Variants in NCKAP5 observed in about 807,000 individuals in gnomAD.
NCKAP5 encodes the protein NCK associated protein 5.
NCKAP5 carries 92 observed loss-of-function variants against 167.0 expected under a neutral mutation model. The observed-to-expected ratio is 0.55, with a 90% CI of 0.47 to 0.66. The LOEUF (loss-of-function observed/expected upper bound fraction) is 0.66. Ranked by LOEUF, NCKAP5 falls within the 30% of genes least tolerant of loss-of-function variation. The pLI is 0.00. For missense variants in NCKAP5, 2,378 were observed against 2,315.0 expected (o/e 1.03, Z -0.56); for synonymous variants, 891 against 877.4 (o/e 1.02, Z -0.27).
intron 7 of NCKAP5, among the ~76,000 whole-genome samples, chr2:132,980,635 CCTTT>C (rs2077106762): frequency 1.3e-5 from 2 of 152,038 alleles, no homozygotes; most frequent in Non-Finnish European, 2.9e-5. Flanking sequence ...CACTTTCTGC[CCTTT>C]CTATTTCAAA....
intron 4 of NCKAP5, among the ~76,000 whole-genome samples, chr2:133,255,288 C>T (rs1172466999): frequency 6.6e-6 from 1 of 152,178 alleles, no homozygotes; most frequent in Non-Finnish European, 1.5e-5. Flanking sequence ...CTTATAAATA[C>T]TGTTTTGTTT....
intron 6 of NCKAP5, among the ~76,000 whole-genome samples, chr2:133,076,538 T>C (rs927556779): frequency 1.3e-5 from 2 of 152,204 alleles, no homozygotes; most frequent in African/African-American, 4.8e-5. Flanking sequence ...TTAGGAACAG[T>C]ATTCATCTGC....
chr2:133,521,508 C>G (rs1684470320), intron 2 of NCKAP5, among the ~76,000 whole-genome samples: 1 of 152,238 alleles, frequency 6.6e-6, no homozygotes, highest in Non-Finnish European at 1.5e-5. Context: ...GCGGATTACA[C>G]AACAGACGTT....
the NCKAP5 span, among the ~76,000 whole-genome samples, chr2:133,652,437 C>G: frequency 2.0e-5 from 3 of 152,186 alleles, no homozygotes; most frequent in African/African-American, 7.2e-5. Flanking sequence ...ACAAATAAAA[C>G]AGTGGACAAT....
intron 6 of NCKAP5, among the ~76,000 whole-genome samples, chr2:133,099,647 T>C (rs959841340): frequency 6.6e-6 from 1 of 152,284 alleles, no homozygotes; most frequent in African/African-American, 2.4e-5. Flanking sequence ...AATGATCAGA[T>C]AGATAGTACT....
intron 3 of NCKAP5, among the ~76,000 whole-genome samples, chr2:133,305,134 T>A: frequency 6.6e-6 from 1 of 152,074 alleles, no homozygotes; most frequent in East Asian, 1.9e-4. Context: ...TAAAATGAAG[T>A]TGGACAGTTA....
At chr2:132,831,444 G>C (rs1342474623) in intron 11 of NCKAP5, among the ~76,000 whole-genome samples, 2 of 152,070 alleles carry the variant, frequency 1.3e-5, no homozygotes, top group Non-Finnish European at 2.9e-5. Flanking sequence ...TAAAATATTT[G>C]TCAACCAACA....
chr2:132,762,014 G>T (rs906775692), intron 16 of NCKAP5, among the ~76,000 whole-genome samples: 4 of 152,170 alleles, frequency 2.6e-5, no homozygotes, highest in African/African-American at 4.8e-5. Context: ...TTCTTGGGGG[G>T]TTATTTAACT....
At chr2:133,043,607 A>G (rs1261573669) in intron 6 of NCKAP5, among the ~76,000 whole-genome samples, 3 of 152,182 alleles carry the variant, frequency 2.0e-5, no homozygotes, top group Admixed American at 6.5e-5. Context: ...CCTGGGTCAC[A>G]TGCAGCCCAA....
In NCKAP5 at chr2:133,481,801, G is replaced by C. The variant is rs149707017; in HGVS notation, c.69+35657C>G. ...ATGCCTCCATAGTATTTCATGGTGT[G>C]TATGTACCACATTTTCTTTATCCAG... On this transcript the variant is annotated intron_variant, in intron 3 of 19. Transcript: ENST00000409261. Among the ~76,000 whole-genome samples, 76 of 152,196 alleles carry C rather than the reference G, an allele frequency of 5.0e-4. No individual in the cohort carries two copies. The East Asian group carries it at 0.013, about 25-fold the overall frequency.
At chr2:132,925,722 T>C (rs1695829766) in intron 8 of NCKAP5, among the ~76,000 whole-genome samples, 1 of 152,116 alleles carries the variant, frequency 6.6e-6, no homozygotes, top group Admixed American at 6.5e-5. Context: ...GTCTGTGGCC[T>C]GGGGGTTGGG....
intron 2 of NCKAP5, among the ~76,000 whole-genome samples, chr2:133,535,694 T>C (rs1212818790): frequency 6.6e-6 from 1 of 152,194 alleles, no homozygotes; most frequent in Non-Finnish European, 1.5e-5. Context: ...GTTCTAGTTT[T>C]AATTCTTTGA....
chr2:133,074,838 T>G (rs1184962661), intron 6 of NCKAP5, among the ~76,000 whole-genome samples: 2 of 152,144 alleles, frequency 1.3e-5, no homozygotes, highest in African/African-American at 4.8e-5. Context: ...CAGAGACCTA[T>G]GGGACACTAC....
intron 4 of NCKAP5, among the ~76,000 whole-genome samples, chr2:133,239,820 C>T (rs145072386): frequency 6.6e-6 from 1 of 152,182 alleles, no homozygotes; most frequent in South Asian, 2.1e-4. Context: ...GCACTTGTTC[C>T]ATTTTTAAGA....
At chr2:132,678,036 G>A (rs895370571) in intron 19 of NCKAP5, among the ~76,000 whole-genome samples, 1 of 152,102 alleles carries the variant, frequency 6.6e-6, no homozygotes, top group Admixed American at 6.5e-5. Context: ...TAGTCATGAA[G>A]TAGAGATTTT....
At chr2:133,214,023 C>T (rs549981503) in intron 4 of NCKAP5, among the ~76,000 whole-genome samples, 1 of 152,268 alleles carries the variant, frequency 6.6e-6, no homozygotes, top group South Asian at 2.1e-4. Flanking sequence ...TGAGTAGATG[C>T]TTTGCTTTTA....
chr2:133,577,688 C>T, the NCKAP5 span, among the ~76,000 whole-genome samples: 1 of 152,094 alleles, frequency 6.6e-6, no homozygotes, highest in Non-Finnish European at 1.5e-5. Context: ...CCACAACAGT[C>T]CCCAGTGTGT....
intron 8 of NCKAP5, among the ~76,000 whole-genome samples, chr2:132,895,664 T>C (rs1471311484): frequency 6.6e-6 from 1 of 152,102 alleles, no homozygotes; most frequent in Non-Finnish European, 1.5e-5. Context: ...ACTCTGTGCT[T>C]AGCCCTCAAC....
At chr2:133,110,714 A>T (rs2081878315) in intron 6 of NCKAP5, among the ~76,000 whole-genome samples, 1 of 152,182 alleles carries the variant, frequency 6.6e-6, no homozygotes, top group African/African-American at 2.4e-5. Flanking sequence ...AGCGTGCCAC[A>T]TATAGAAATA....
Sources: allele counts gnomAD v4.1 joint callset (sites outside exome capture counted in the v4.1 genomes callset), GRCh38; gene constraint gnomAD v4.1.1; transcripts MANE v1.5; gene names NCBI Gene and HGNC (gene_info 2026-07-23, HGNC 2026-07-21).